Variants in NEDD9 observed in about 807,000 individuals in gnomAD.
NEDD9 encodes the protein neural precursor cell expressed, developmentally down-regulated 9.
In NEDD9, 26 loss-of-function variants were observed where a neutral mutation model predicts 76.6. That is an observed-to-expected ratio of 0.34 (90% CI 0.25 to 0.47). The LOEUF (loss-of-function observed/expected upper bound fraction) is 0.47, where lower values mean the gene tolerates loss of function less well. NEDD9 is among the 20% of genes least tolerant of loss of function. The probability of loss-of-function intolerance (pLI) is 1.00; values close to 1 mark genes in which losing one functional copy is unlikely to be tolerated. For synonymous variants in NEDD9, 392 were observed against 414.2 expected, an observed-to-expected ratio of 0.95 and a Z score of 0.65; for missense variants, 937 against 1,058.5, an observed-to-expected ratio of 0.89 and a Z score of 1.59.
At chr6:11,200,816 T>G in intron 2 of NEDD9, 8 of 1,473,690 alleles carry the variant, frequency 5.4e-6, no homozygotes, top group Non-Finnish European at 7.2e-6. Context: ...ATTATTACGG[T>G]TATCACCAGA....
chr6:11,257,453 C>T (rs910711147), intron 3 of NEDD9, among the ~76,000 whole-genome samples: 1 of 152,090 alleles, frequency 6.6e-6, no homozygotes, highest in Non-Finnish European at 1.5e-5. Context: ...TCTGAGGGCC[C>T]GTGAGTACAT....
intron 3 of NEDD9, among the ~76,000 whole-genome samples, chr6:11,243,185 C>A (rs1410925906): frequency 6.6e-6 from 1 of 152,222 alleles, no homozygotes; most frequent in Admixed American, 6.5e-5. Flanking sequence ...GGTGGTCCAG[C>A]ATCCTGGCCT....
chr6:11,346,789 G>A (rs963117001), intron 1 of NEDD9, among the ~76,000 whole-genome samples: 2 of 151,956 alleles, frequency 1.3e-5, no homozygotes, highest in East Asian at 1.9e-4. Flanking sequence ...GCTTAGTAGG[G>A]GGCTGGCTCA....
At chr6:11,256,908 G>A (rs145459589) in intron 3 of NEDD9, among the ~76,000 whole-genome samples, 17 of 152,286 alleles carry the variant, frequency 1.1e-4, no homozygotes, top group Admixed American at 6.5e-4. Context: ...CATATTTGTA[G>A]GCTGACCCAC....
intron 3 of NEDD9, among the ~76,000 whole-genome samples, chr6:11,253,267 G>A (rs1377412133): frequency 6.6e-6 from 1 of 152,190 alleles, no homozygotes; most frequent in African/African-American, 2.4e-5. Context: ...GATTGCAAAG[G>A]AGGAAAAGAT....
chr6:11,313,471 G>A (rs1455831581), intron 2 of NEDD9, among the ~76,000 whole-genome samples: 2 of 136,998 alleles, frequency 1.5e-5, no homozygotes, highest in East Asian at 3.9e-4. Flanking sequence ...ATGGATATAT[G>A]AGTGGGTAGA....
At chr6:11,189,530 C>CTTTTCT (rs1758074692) in intron 5 of NEDD9, among the ~76,000 whole-genome samples, 2 of 152,028 alleles carry the variant, frequency 1.3e-5, no homozygotes, top group Non-Finnish European at 2.9e-5. Flanking sequence ...TTCTTAATGA[C>CTTTTCT]GAAAACTTTT....
chr6:11,188,051 G>T (rs137913880), intron 6 of NEDD9, among the ~76,000 whole-genome samples, 167 bp downstream of exon 6: 2 of 152,298 alleles, frequency 1.3e-5, no homozygotes, highest in South Asian at 2.1e-4. Flanking sequence ...AACTAACAAG[G>T]TCATAAACCT....
intron 3 of NEDD9, among the ~76,000 whole-genome samples, chr6:11,244,409 A>G (rs1759768859): frequency 6.6e-6 from 1 of 152,244 alleles, no homozygotes; most frequent in Middle Eastern, 3.4e-3. Flanking sequence ...TGTCCCTACC[A>G]GTCACCTAGA....
chr6:11,362,994 A>C (rs1458966933), intron 1 of NEDD9, among the ~76,000 whole-genome samples: 1 of 152,228 alleles, frequency 6.6e-6, no homozygotes, highest in Non-Finnish European at 1.5e-5. Flanking sequence ...GATGATGCAT[A>C]ATTTTTAACT....
intron 2 of NEDD9, among the ~76,000 whole-genome samples, chr6:11,309,292 T>C (rs1761294140): frequency 6.6e-6 from 1 of 152,246 alleles, no homozygotes; most frequent in Admixed American, 6.5e-5. Context: ...GCCAACATTT[T>C]TCCATCCTAT....
intron 1 of NEDD9, among the ~76,000 whole-genome samples, chr6:11,362,815 G>A (rs1028688229): frequency 1.3e-5 from 2 of 152,212 alleles, no homozygotes; most frequent in African/African-American, 4.8e-5. Flanking sequence ...GTCACCATGT[G>A]TGAATTCTAT....
chr6:11,378,325 C>T (rs1763002293), intron 1 of NEDD9, among the ~76,000 whole-genome samples: 1 of 152,190 alleles, frequency 6.6e-6, no homozygotes, highest in African/African-American at 2.4e-5. Flanking sequence ...GCTGGCTCCC[C>T]CTTCATCTTT....
At chr6:11,249,812 G>A (rs1004060035) in intron 3 of NEDD9, among the ~76,000 whole-genome samples, 2 of 152,228 alleles carry the variant, frequency 1.3e-5, no homozygotes, top group Non-Finnish European at 2.9e-5. Context: ...GCAATAGAGT[G>A]CATTTCCCTC....
At chr6:11,276,361 G>A (rs112411647) in intron 3 of NEDD9, among the ~76,000 whole-genome samples, 310 of 152,298 alleles carry the variant, frequency 2.0e-3, no homozygotes, top group African/African-American at 6.9e-3. Context: ...GTGTGCATGC[G>A]TGTGTGTGCA....
At chr6:11,290,495 G>A (rs943273116) in intron 3 of NEDD9, among the ~76,000 whole-genome samples, 2 of 152,144 alleles carry the variant, frequency 1.3e-5, no homozygotes, top group African/African-American at 2.4e-5. Context: ...AATTACGGTT[G>A]GCTACTGGCA....
intron 1 of NEDD9, among the ~76,000 whole-genome samples, chr6:11,367,122 C>T (rs975352769): frequency 6.6e-6 from 1 of 152,166 alleles, no homozygotes; most frequent in African/African-American, 2.4e-5. Context: ...CTGCAGTGGA[C>T]TCTATGATTG....
At chr6:11,305,334 G>A (rs1761154083) in intron 3 of NEDD9, 1 of 347,102 alleles carries the variant, frequency 2.9e-6, no homozygotes, top group South Asian at 2.4e-5. Context: ...ACTGGCTCCA[G>A]GTCAACTCTA....
chr6:11,335,216 A>G (rs1408938878), intron 1 of NEDD9, among the ~76,000 whole-genome samples: 2 of 152,230 alleles, frequency 1.3e-5, no homozygotes, highest in Admixed American at 1.3e-4. Flanking sequence ...ACATGCAATG[A>G]AAAGTGGATT....
Sources: gnomAD v4.1 joint callset for allele counts (sites outside exome capture counted in the v4.1 genomes callset) on GRCh38, gnomAD v4.1.1 for gene constraint, MANE v1.5 for transcripts, NCBI Gene and HGNC (gene_info 2026-07-23, HGNC 2026-07-21) for gene names.